MIB1: variants seen among roughly 807,000 people sequenced by gnomAD.
MIB1 encodes E3 ubiquitin-protein ligase MIB1.
Under a neutral mutation model 124.5 loss-of-function variants are expected in MIB1, and 278 were observed. That is an observed-to-expected ratio of 2.23 (90% CI 2.02 to 2.47). The LOEUF (loss-of-function observed/expected upper bound fraction) is 2.47, where lower values mean the gene tolerates loss of function less well. Ranked by LOEUF, MIB1 falls within the 30% of genes most tolerant of loss-of-function variation. The probability of loss-of-function intolerance (pLI) is 0.00; values close to 1 mark genes in which losing one functional copy is unlikely to be tolerated. For synonymous variants in MIB1, 446 were observed against 429.4 expected (o/e 1.04, Z -0.48); for missense variants, 957 against 1,254.4 (o/e 0.76, Z 3.58).
chr18:21,838,249 T>C (rs1423056324), intron 12 of MIB1, 116 bp from the exon 13 acceptor site: 1 of 631,818 alleles, frequency 1.6e-6, no homozygotes, highest in Non-Finnish European at 2.5e-6. Flanking sequence ...AGAATTTCTA[T>C]TTGTCTCTAA....
intron 1 of MIB1, among the ~76,000 whole-genome samples, chr18:21,713,384 G>A (rs939709460): frequency 1.3e-5 from 2 of 151,954 alleles, no homozygotes; most frequent in African/African-American, 4.8e-5. Context: ...GGCCGAGACA[G>A]GTGGATCATG....
chr18:21,707,828 G>C (rs1328851951), intron 1 of MIB1, among the ~76,000 whole-genome samples: 1 of 152,150 alleles, frequency 6.6e-6, no homozygotes, highest in African/African-American at 2.4e-5. Flanking sequence ...ATGTTTGTCT[G>C]AGCTTGGGCA....
chr18:21,725,562 T>A (rs941391555), intron 1 of MIB1, among the ~76,000 whole-genome samples: 1 of 152,228 alleles, frequency 6.6e-6, no homozygotes, highest in African/African-American at 2.4e-5. Context: ...GTCGTATCCA[T>A]AATAGGAGAT....
At chr18:21,836,739 T>C (rs2042036826) in intron 12 of MIB1, among the ~76,000 whole-genome samples, 1 of 152,220 alleles carries the variant, frequency 6.6e-6, no homozygotes, top group Admixed American at 6.5e-5. Flanking sequence ...ATTTAATACT[T>C]GTATCTTTTA....
intron 12 of MIB1, among the ~76,000 whole-genome samples, chr18:21,833,285 T>A (rs895972605): frequency 6.6e-6 from 1 of 152,168 alleles, no homozygotes; most frequent in Non-Finnish European, 1.5e-5. Flanking sequence ...AGATGATTAT[T>A]TGATTATTTG....
chr18:21,767,206 GT>G (rs1473869988), intron 2 of MIB1, among the ~76,000 whole-genome samples: 1 of 152,172 alleles, frequency 6.6e-6, no homozygotes, highest in East Asian at 1.9e-4. Context: ...AAGGAAAGAG[GT>G]TTAATTGACT....
At chr18:21,780,353 C>T (rs956029966) in intron 6 of MIB1, among the ~76,000 whole-genome samples, 6 of 152,130 alleles carry the variant, frequency 3.9e-5, no homozygotes, top group Non-Finnish European at 8.8e-5. Flanking sequence ...TAGCTGTAGT[C>T]TTGTACGCAT....
intron 1 of MIB1, among the ~76,000 whole-genome samples, chr18:21,708,125 T>G (rs2040648493): frequency 6.6e-6 from 1 of 152,154 alleles, no homozygotes; most frequent in Admixed American, 6.5e-5. Flanking sequence ...CTCCAACATG[T>G]GAAGGTGGAG....
intron 1 of MIB1, among the ~76,000 whole-genome samples, chr18:21,760,780 G>A (rs2041088867): frequency 6.6e-6 from 1 of 152,174 alleles, no homozygotes; most frequent in Non-Finnish European, 1.5e-5. Flanking sequence ...GAATGGGGTA[G>A]TTGGGATACA....
chr18:21,735,820 C>T (rs1377723060), upstream of MIB1, among the ~76,000 whole-genome samples: 1 of 152,228 alleles, frequency 6.6e-6, no homozygotes, highest in South Asian at 2.1e-4. Flanking sequence ...CAGACTGCCT[C>T]TCTAGATTCC....
chr18:21,768,820 C>A, intron 3 of MIB1, 68 bp downstream of exon 3: 1 of 1,329,286 alleles, frequency 7.5e-7, no homozygotes, highest in Non-Finnish European at 1.0e-6. Context: ...TTTATTACTA[C>A]TATAAATGAA....
intron 10 of MIB1, among the ~76,000 whole-genome samples, chr18:21,813,313 A>G (rs2146471237): frequency 6.6e-6 from 1 of 151,696 alleles, no homozygotes; most frequent in African/African-American, 2.4e-5. Context: ...ACTTAGAGAG[A>G]TTAACTTATG....
rs150539504 is a variant in MIB1, at chr18:21,791,131, G to A, written c.909-243G>A. Among the ~76,000 whole-genome samples the A allele has an allele frequency of 1.5e-4, 22 of 151,050 alleles. No individual in the cohort carries two copies. In the East Asian group the frequency reaches 3.7e-3, roughly 25 times the overall value. ...AGGCAGGAGAATCATGCAGTGAGCC[G>A]AGATCATGCCACTGCACTCCAGCCT... On this transcript the variant is annotated intron_variant, in intron 6 of 20. Coordinates refer to ENST00000261537, the MANE Select transcript of MIB1 (RefSeq NM_020774.4).
Position 21,844,130 on chromosome 18 carries a change from T to C in MIB1, c.2088T>C (p.Asp696=). ...VRAGAKLDIQ[D]KDGDTPLHEA... ...CAGGTGCCAAGCTTGATATTCAGGA[T>C]AAGGATGGGGATACTCCTTTGCATG... The change falls in exon 15 of 21, where the codon GAT becomes GAC. Residue 696 remains aspartate (D), a synonymous_variant. Coordinates refer to ENST00000261537, the MANE Select transcript of MIB1 (RefSeq NM_020774.4). The C allele has an allele frequency of 6.2e-7, 1 of 1,614,098 alleles. No homozygotes were observed.
upstream of MIB1, among the ~76,000 whole-genome samples, chr18:21,736,636 T>C (rs1052746937): frequency 6.6e-6 from 1 of 152,106 alleles, no homozygotes; most frequent in African/African-American, 2.4e-5. Flanking sequence ...TTAGATGAAT[T>C]GCTAACTAGA....
intron 20 of MIB1, among the ~76,000 whole-genome samples, chr18:21,862,127 G>A (rs1209141167): frequency 6.6e-6 from 1 of 152,108 alleles, no homozygotes; most frequent in South Asian, 2.1e-4. Flanking sequence ...GAATTCGTGG[G>A]CTCAAGTGAT....
intron 6 of MIB1, among the ~76,000 whole-genome samples, chr18:21,787,725 G>C (rs949904493): frequency 6.6e-6 from 1 of 151,526 alleles, no homozygotes; most frequent in Non-Finnish European, 1.5e-5. Context: ...TTGAGTTCTG[G>C]GATATTGCTG....
Position 21,803,905 on chromosome 18 carries a change from A to T in MIB1, c.1372-2A>T. On this transcript the variant is annotated splice_acceptor_variant, in intron 9 of 20. Coordinates refer to ENST00000261537, the MANE Select transcript of MIB1 (RefSeq NM_020774.4). LOFTEE classifies it high-confidence loss of function. ...TTTCATTCTTTTTTTTAAAAAATGT[A>T]GGTAAATGGGCAATGTGCTGGCCAC... 2 of 1,605,796 alleles carry T rather than the reference A, an allele frequency of 1.2e-6. No individual in the cohort carries two copies. The highest frequency in any genetic ancestry group is 1.1e-5 in the South Asian group (1 of 90,786).
rs1256668257 is a variant in MIB1, at chr18:21,734,784, C to T, written n.167+29661C>T. Among the ~76,000 whole-genome samples, 3 of 152,310 alleles carry T rather than the reference C, an allele frequency of 2.0e-5. No individual in the cohort carries two copies. In the East Asian group the frequency reaches 5.8e-4, roughly 29 times the overall value. On this transcript the variant is annotated intron_variant and non_coding_transcript_variant, in intron 1 of 20. Transcript: ENST00000578646. ...CCTCAAATGATCCATCCGCCTCGGC[C>T]TCCCACAGTGCTGGGATTACAGGCA... is the stretch of plus-strand genomic sequence containing the variant.
Sources: allele counts gnomAD v4.1 joint callset (sites outside exome capture counted in the v4.1 genomes callset), GRCh38; gene constraint gnomAD v4.1.1; transcripts MANE v1.5; gene names NCBI Gene and HGNC (gene_info 2026-07-23, HGNC 2026-07-21).